RPRD1B: variants seen among roughly 807,000 people sequenced by gnomAD.
RPRD1B encodes regulation of nuclear pre-mRNA domain containing 1B.
A neutral mutation model predicts 41.5 loss-of-function variants in RPRD1B; 11 were observed. The ratio of observed to expected loss-of-function variants is 0.27; its 90% CI spans 0.17 to 0.44. The LOEUF (loss-of-function observed/expected upper bound fraction) is 0.44. RPRD1B is among the 20% of genes least tolerant of loss of function. RPRD1B has a pLI of 1.00. For missense variants in RPRD1B, 248 were observed against 389.9 expected, an observed-to-expected ratio of 0.64 and a Z score of 3.06; for synonymous variants, 158 against 155.6, an observed-to-expected ratio of 1.02 and a Z score of -0.12.
At position 38,040,509 on chromosome 20, in the gene RPRD1B, G is replaced by C. The variant is rs1019399734; in HGVS notation, c.226G>C (p.Glu76Gln). ...VIQNSKRKGP[E>Q]FTREFESVLV... ...CCAAAACAGTAAAAGGAAAGGACCT[G>C]AATTCACTAGAGAATTTGAATCTGT... is the stretch of plus-strand genomic sequence containing the variant. The change falls in exon 2 of 7, where the codon GAA becomes CAA. Residue 76 changes from glutamate to glutamine, a missense_variant. Transcript: ENST00000373433. 1.2e-6 allele frequency: 2 copies of C among 1,610,418 alleles called. No homozygotes were observed. Among genetic ancestry groups the C allele is most frequent in the Non-Finnish European group, 1.7e-6 (2 of 1,178,566 alleles).
chr20:38,084,823 T>G (rs1283474807), intron 6 of RPRD1B, among the ~76,000 whole-genome samples: 3 of 152,240 alleles, frequency 2.0e-5, no homozygotes. Context: ...AACTACACAT[T>G]GGGCCTTACC....
chr20:38,057,785 C>T (rs1260985350), intron 4 of RPRD1B, 141 bp downstream of exon 4: 6 of 577,324 alleles, frequency 1.0e-5, no homozygotes, highest in African/African-American at 7.5e-5. Flanking sequence ...CATCATCCTG[C>T]CCAAAGGAGC....
rs779173104 is a variant in RPRD1B at position 38,089,926 on chromosome 20, C to T, written c.*51C>T. The T allele has an allele frequency of 1.9e-6, 3 of 1,592,932 alleles. No homozygotes were observed. Among genetic ancestry groups the T allele is most frequent in the South Asian group, 2.2e-5 (2 of 89,182 alleles). On this transcript the variant is annotated 3_prime_UTR_variant, in exon 7 of 7. Coordinates refer to ENST00000373433, the MANE Select transcript of RPRD1B (RefSeq NM_021215.4). Reference sequence around the variant, plus strand: ...GTTTGTACCAGCAGAAAGAAGAGGGCAAGTCATGGTTGGAAATAACCTTCT... The same window carrying T: ...GTTTGTACCAGCAGAAAGAAGAGGGTAAGTCATGGTTGGAAATAACCTTCT...
intron 1 of RPRD1B, among the ~76,000 whole-genome samples, chr20:38,036,760 A>G (rs2074007847): frequency 6.6e-6 from 1 of 152,236 alleles, no homozygotes; most frequent in Non-Finnish European, 1.5e-5. Flanking sequence ...GTGCCATCCA[A>G]CAGGTAGCCG....
intron 6 of RPRD1B, among the ~76,000 whole-genome samples, chr20:38,081,793 G>C (rs541158520): frequency 6.6e-6 from 1 of 152,144 alleles, no homozygotes; most frequent in African/African-American, 2.4e-5. Context: ...AGCCTTTTCT[G>C]CATCTGTTGA....
intron 6 of RPRD1B, chr20:38,070,356 G>A (rs570147742): frequency 9.1e-6 from 9 of 985,528 alleles, no homozygotes; most frequent in South Asian, 4.7e-5. Flanking sequence ...GAGAAGGCAC[G>A]TGGAAGGAAG....
At position 38,070,794 on chromosome 20, in the gene RPRD1B, G is replaced by A. The variant is rs1208184712; in HGVS notation, c.831+4538G>A. ...TTGCTCTGTTGCCCAGGGCTAGAGT[G>A]CAGTAGAGCAATCTGAGCTCACTGC... On this transcript the variant is annotated intron_variant, in intron 6 of 6. Coordinates refer to ENST00000373433, the MANE Select transcript of RPRD1B (RefSeq NM_021215.4). 6.5e-6 allele frequency: 6 copies of A among 917,662 alleles called. No individual in the cohort carries two copies. In the African/African-American group the frequency reaches 7.9e-5, roughly 12 times the overall value. 56.8% of individuals were successfully genotyped at this position (917,662 alleles called of 1,614,324 possible).
At chr20:38,070,465 A>G (rs1021079828) in intron 6 of RPRD1B, 178 of 985,470 alleles carry the variant, frequency 1.8e-4, no homozygotes, top group Non-Finnish European at 2.1e-4. Context: ...AAAGCCTTCC[A>G]GCTTCACTTC....
intron 6 of RPRD1B, among the ~76,000 whole-genome samples, chr20:38,086,043 G>A (rs762696842): frequency 4.6e-5 from 7 of 152,070 alleles, no homozygotes; most frequent in South Asian, 2.1e-4. Context: ...TGCCATGTTC[G>A]GGCACAAGTG....
At chr20:38,065,709 C>T (rs1402761065) in intron 5 of RPRD1B, among the ~76,000 whole-genome samples, 1 of 152,090 alleles carries the variant, frequency 6.6e-6, no homozygotes, top group Admixed American at 6.5e-5. Flanking sequence ...TAGGGGCCAA[C>T]CGTAATATAA....
At chr20:38,089,077 C>A (rs1370420910) in intron 6 of RPRD1B, among the ~76,000 whole-genome samples, 5 of 152,142 alleles carry the variant, frequency 3.3e-5, no homozygotes, top group Admixed American at 3.3e-4. Context: ...TAGTGGGGTG[C>A]CGTGCCTCAC....
chr20:38,038,473 C>A (rs1397385146), intron 1 of RPRD1B, among the ~76,000 whole-genome samples: 1 of 134,382 alleles, frequency 7.4e-6, no homozygotes, highest in Non-Finnish European at 1.6e-5. Context: ...CCACGCCCGG[C>A]TGATTTTTTT....
chr20:38,062,828 GC>G (rs35010909), intron 5 of RPRD1B, among the ~76,000 whole-genome samples: 1,849 of 34,700 alleles, frequency 0.053, 70 homozygotes, highest in Middle Eastern at 0.17. Flanking sequence ...AAAAGCCAGA[GC>G]CCCCCCCCCT....
chr20:38,038,084 T>G (rs1012930177), intron 1 of RPRD1B, among the ~76,000 whole-genome samples: 1 of 152,150 alleles, frequency 6.6e-6, no homozygotes, highest in Non-Finnish European at 1.5e-5. Context: ...CTACTGACAC[T>G]TTTGTTCTGC....
At chr20:38,086,915 A>G (rs1365418029) in intron 6 of RPRD1B, among the ~76,000 whole-genome samples, 1 of 151,966 alleles carries the variant, frequency 6.6e-6, no homozygotes, top group East Asian at 1.9e-4. Flanking sequence ...CCCCCTTCCA[A>G]ACAGAAACAA....
At chr20:38,083,834 T>G (rs1420236374) in intron 6 of RPRD1B, 1 of 152,086 alleles carries the variant, frequency 6.6e-6, no homozygotes, top group Non-Finnish European at 1.5e-5. Context: ...ACTCAGCAGC[T>G]CCCGCCGTGC....
Position 38,091,314 on chromosome 20 carries a change from T to TA in RPRD1B, c.*1442dup. ...AAAAATTACATGTAATTTTACATGT[T>TA]AAACACATTGAAACATAACCTATGT... On this transcript the variant is annotated 3_prime_UTR_variant, in exon 7 of 7. Coordinates refer to ENST00000373433, the MANE Select transcript of RPRD1B (RefSeq NM_021215.4). 1 of 981,268 alleles carries TA rather than the reference T, an allele frequency of 1.0e-6. No individual in the cohort carries two copies. Among genetic ancestry groups the TA allele is most frequent in the Non-Finnish European group, 1.2e-6 (1 of 827,032 alleles). The allele number at this position is 981,268 out of a possible 1,614,324, so 60.8% of individuals were successfully genotyped here. A position where few individuals can be genotyped will look rare whatever the true frequency, so the allele number is the denominator to read the frequency against.
chr20:38,048,516 C>G, intron 3 of RPRD1B, 35 bp downstream of exon 3: 1 of 1,555,038 alleles, frequency 6.4e-7, no homozygotes, highest in Non-Finnish European at 8.8e-7. Context: ...AGCTCTTGGT[C>G]TTTGCCTACT....
At chr20:38,076,003 C>T (rs2074456069) in intron 6 of RPRD1B, among the ~76,000 whole-genome samples, 1 of 152,220 alleles carries the variant, frequency 6.6e-6, no homozygotes, top group Non-Finnish European at 1.5e-5. Context: ...TCGCAAACTT[C>T]AACTCAACAA....
Sources: allele counts gnomAD v4.1 joint callset (sites outside exome capture counted in the v4.1 genomes callset), GRCh38; gene constraint gnomAD v4.1.1; transcripts MANE v1.5; gene names NCBI Gene and HGNC (gene_info 2026-07-23, HGNC 2026-07-21).